The following OR14A2 variants were observed in gnomAD, a reference collection of about 807,000 sequenced individuals.
OR14A2 encodes the protein olfactory receptor 14A2.
For missense variants in OR14A2, 237 were observed against 152.9 expected, an observed-to-expected ratio of 1.55 and a Z score of -2.90; for synonymous variants, 114 against 58.6, an observed-to-expected ratio of 1.95 and a Z score of -4.32.
chr1:247,739,146 G>C, the OR14A2 span: 1 of 780,732 alleles, frequency 1.3e-6, no homozygotes, highest in Non-Finnish European at 2.4e-6. Context: ...GTTCTTCTGC[G>C]ATGTCCCTGC....
chr1:247,747,606 C>T, the OR14A2 span, among the ~76,000 whole-genome samples: 1 of 152,120 alleles, frequency 6.6e-6, no homozygotes, highest in East Asian at 1.9e-4. Context: ...TCATGATCCG[C>T]CCGCCTCGGC....
At chr1:247,727,612 CA>C (rs576621721), upstream of OR14A2, among the ~76,000 whole-genome samples, 2,933 of 148,374 alleles carry the variant, frequency 0.02, 119 homozygotes, top group African/African-American at 0.071. Flanking sequence ...AAAAACCCTT[CA>C]AAAAATTAAT....
At chr1:247,741,220 A>G in the OR14A2 span, among the ~76,000 whole-genome samples, 2 of 152,348 alleles carry the variant, frequency 1.3e-5, no homozygotes, top group South Asian at 2.1e-4. Flanking sequence ...CAAATATTTG[A>G]CAGAAAATAA....
chr1:247,730,108 T>C, the OR14A2 span, among the ~76,000 whole-genome samples: 5 of 152,072 alleles, frequency 3.3e-5, no homozygotes, highest in Non-Finnish European at 4.4e-5. Context: ...AGCTGCCAAA[T>C]AGAAACCTTG....
the OR14A2 span, among the ~76,000 whole-genome samples, chr1:247,735,601 G>T: frequency 1.3e-5 from 2 of 152,138 alleles, no homozygotes; most frequent in East Asian, 1.9e-4. Flanking sequence ...GACCTCCCAG[G>T]AGAGTCCCAT....
the OR14A2 span, among the ~76,000 whole-genome samples, chr1:247,738,005 AT>A: frequency 5.3e-5 from 8 of 152,200 alleles, no homozygotes; most frequent in Non-Finnish European, 8.8e-5. Flanking sequence ...GTACTTTTTA[AT>A]TTTTGTGCTA....
upstream of OR14A2, among the ~76,000 whole-genome samples, chr1:247,725,594 A>G (rs1166463741): frequency 6.8e-6 from 1 of 147,198 alleles, no homozygotes; most frequent in Admixed American, 6.8e-5. Flanking sequence ...GGTTAGTTAC[A>G]TATGTATAAA....
the OR14A2 span, among the ~76,000 whole-genome samples, chr1:247,730,781 G>A: frequency 6.6e-6 from 1 of 152,054 alleles, no homozygotes; most frequent in African/African-American, 2.4e-5. Context: ...GCCAGGAGAA[G>A]GTTGCTATCC....
At chr1:247,739,651 G>A in the OR14A2 span, 1 of 623,818 alleles carries the variant, frequency 1.6e-6, no homozygotes, top group East Asian at 2.7e-5. Context: ...GGATAAAAAT[G>A]TCATGGAGTC....
At chr1:247,742,220 C>T in the OR14A2 span, among the ~76,000 whole-genome samples, 1 of 152,136 alleles carries the variant, frequency 6.6e-6, no homozygotes, top group Non-Finnish European at 1.5e-5. Flanking sequence ...CATGTAATTT[C>T]CAGTCTGGTT....
At chr1:247,731,540 TTATATC>T in the OR14A2 span, among the ~76,000 whole-genome samples, 1 of 152,100 alleles carries the variant, frequency 6.6e-6, no homozygotes. Flanking sequence ...ATATTGGCCA[TTATATC>T]TATAATTATT....
the OR14A2 span, among the ~76,000 whole-genome samples, chr1:247,740,641 A>G: frequency 2.2e-4 from 34 of 152,190 alleles, no homozygotes; most frequent in Non-Finnish European, 4.4e-5. Flanking sequence ...TAAATTATAC[A>G]TTTTCTGGAC....
At chr1:247,735,258 T>C in the OR14A2 span, among the ~76,000 whole-genome samples, 1 of 152,180 alleles carries the variant, frequency 6.6e-6, no homozygotes, top group Non-Finnish European at 1.5e-5. Flanking sequence ...CTTAAACAAA[T>C]CCATGTTTCA....
chr1:247,734,460 T>A, the OR14A2 span, among the ~76,000 whole-genome samples: 1 of 152,168 alleles, frequency 6.6e-6, no homozygotes, highest in Non-Finnish European at 1.5e-5. Context: ...ATCAAACTCA[T>A]GAAGTATCTA....
At chr1:247,737,550 G>A in the OR14A2 span, among the ~76,000 whole-genome samples, 1 of 151,972 alleles carries the variant, frequency 6.6e-6, no homozygotes, top group South Asian at 2.1e-4. Flanking sequence ...GACCTGCTGG[G>A]GAGAATAAAA....
the OR14A2 span, among the ~76,000 whole-genome samples, chr1:247,745,286 T>G: frequency 6.6e-6 from 1 of 152,062 alleles, no homozygotes; most frequent in East Asian, 1.9e-4. Flanking sequence ...CCTAAATCAT[T>G]TGGAAAAGGA....
exon 1 of OR14A2, chr1:247,723,668 A>C (rs1439061395): frequency 2.8e-6 from 2 of 718,730 alleles, no homozygotes; most frequent in South Asian, 3.0e-5. Flanking sequence ...TTCAGGGGAC[A>C]GCAGATGGCT....
the OR14A2 span, among the ~76,000 whole-genome samples, chr1:247,732,980 C>G: frequency 6.6e-6 from 1 of 152,130 alleles, no homozygotes; most frequent in African/African-American, 2.4e-5. Context: ...TTTTGCCAAT[C>G]CAGGAGAGAT....
At chr1:247,735,376 G>T in the OR14A2 span, among the ~76,000 whole-genome samples, 2 of 152,260 alleles carry the variant, frequency 1.3e-5, no homozygotes, top group African/African-American at 4.8e-5. Context: ...CAAAATTTAA[G>T]GTGTCACATG....
Sources: gnomAD v4.1 joint callset for allele counts (sites outside exome capture counted in the v4.1 genomes callset) on GRCh38, gnomAD v4.1.1 for gene constraint, MANE v1.5 for transcripts, NCBI Gene and HGNC (gene_info 2026-07-23, HGNC 2026-07-21) for gene names.